The following RAD51B variants were observed in gnomAD, a reference collection of about 807,000 sequenced individuals.
RAD51B encodes DNA repair protein RAD51 homolog 2.
In RAD51B, 38 loss-of-function variants were observed where a neutral mutation model predicts 42.2. The ratio of observed to expected loss-of-function variants is 0.90; its 90% CI spans 0.70 to 1.18. The LOEUF (loss-of-function observed/expected upper bound fraction) is 1.18, where lower values mean the gene tolerates loss of function less well. RAD51B is among the 50% of genes most tolerant of loss of function. RAD51B has a pLI of 0.00. For missense variants in RAD51B, 373 were observed against 400.7 expected (o/e 0.93, Z 0.59); for synonymous variants, 154 against 145.2 (o/e 1.06, Z -0.43).
In RAD51B at chr14:68,159,056, A is replaced by G. The variant is rs140884839; in HGVS notation, c.757-132828A>G. On this transcript the variant is annotated intron_variant, in intron 7 of 10. Coordinates refer to ENST00000471583, the MANE Select transcript of RAD51B (RefSeq NM_133510.4). ...AGGTTAATATAATTGCCTTCATTGTATAAACAGGGAAACTAATGCTCCCAA... is the reference window on the plus strand; with the variant it reads ...AGGTTAATATAATTGCCTTCATTGTGTAAACAGGGAAACTAATGCTCCCAA... Among the ~76,000 whole-genome samples, 562 of 152,166 alleles carry G rather than the reference A, an allele frequency of 3.7e-3. 1 individual carries two copies. Among genetic ancestry groups the G allele is most frequent in the Middle Eastern group, 6.8e-3 (2 of 292 alleles).
chr14:68,595,593 G>A (rs1255678756), exon 11 of RAD51B: 3 of 1,066,360 alleles, frequency 2.8e-6, no homozygotes, highest in Non-Finnish European at 3.4e-6. Flanking sequence ...ACCAGAACAA[G>A]GGAGCAGCCT....
chr14:67,844,376 C>T (rs2140314663), intron 4 of RAD51B, among the ~76,000 whole-genome samples: 1 of 151,600 alleles, frequency 6.6e-6, no homozygotes, highest in South Asian at 2.1e-4. Context: ...TTCATTTGGT[C>T]AAGTGTTGAG....
intron 7 of RAD51B, among the ~76,000 whole-genome samples, chr14:68,219,187 A>G (rs2079875530): frequency 6.6e-6 from 1 of 152,162 alleles, no homozygotes; most frequent in Non-Finnish European, 1.5e-5. Flanking sequence ...GAATTTGATA[A>G]TTTTTTTCTC....
At chr14:68,298,296 G>A (rs191464631) in intron 8 of RAD51B, among the ~76,000 whole-genome samples, 8 of 152,316 alleles carry the variant, frequency 5.3e-5, no homozygotes, top group Non-Finnish European at 7.4e-5. Context: ...CAGCCTGGAG[G>A]CCAGGGGGCA....
At chr14:68,679,919 T>A (rs1366541054) in intron 11 of RAD51B, among the ~76,000 whole-genome samples, 1 of 152,204 alleles carries the variant, frequency 6.6e-6, no homozygotes, top group Non-Finnish European at 1.5e-5. Flanking sequence ...AACAGCTGGG[T>A]TTCCAATTGT....
chr14:68,353,552 A>G (rs570027334), intron 8 of RAD51B, among the ~76,000 whole-genome samples: 43 of 152,298 alleles, frequency 2.8e-4, no homozygotes, highest in African/African-American at 1.0e-3. Flanking sequence ...TCTACCTTGG[A>G]AGACTCAGAC....
intron 7 of RAD51B, among the ~76,000 whole-genome samples, chr14:68,013,008 G>A (rs1412267191): frequency 1.3e-5 from 2 of 152,198 alleles, no homozygotes; most frequent in Non-Finnish European, 2.9e-5. Context: ...AAAGCAATCA[G>A]TTATTATGCT....
At chr14:68,336,349 T>A (rs2082454839) in intron 8 of RAD51B, among the ~76,000 whole-genome samples, 1 of 152,230 alleles carries the variant, frequency 6.6e-6, no homozygotes, top group Non-Finnish European at 1.5e-5. Flanking sequence ...AAAGGTAAGA[T>A]CATTTACTTT....
In RAD51B at chr14:68,586,808, C is replaced by T. The variant is rs372566993; in HGVS notation, c.1037-7677C>T. On this transcript the variant is annotated intron_variant, in intron 10 of 10. Transcript: ENST00000487270. ...TCACCTGAGGTCAGGAGTTTGAGAC[C>T]AGCCTGGCTAACATGGTGAAACCCC... Among the ~76,000 whole-genome samples the T allele has an allele frequency of 1.7e-4, 26 of 152,164 alleles. No individual in the cohort carries two copies. The South Asian group carries it at 5.2e-3, about 30-fold the overall frequency.
intron 10 of RAD51B, among the ~76,000 whole-genome samples, chr14:68,515,144 C>T (rs1300090256): frequency 6.6e-6 from 1 of 152,138 alleles, no homozygotes; most frequent in African/African-American, 2.4e-5. Context: ...ATTTTATGTC[C>T]AGCAATCTTA....
At chr14:68,235,782 A>G (rs2080242249) in intron 7 of RAD51B, among the ~76,000 whole-genome samples, 1 of 152,074 alleles carries the variant, frequency 6.6e-6, no homozygotes, top group Admixed American at 6.5e-5. Context: ...ACTATTCACA[A>G]TAGCAAAGAT....
At chr14:68,581,051 AT>A (rs560459763) in intron 10 of RAD51B, among the ~76,000 whole-genome samples, 4 of 151,300 alleles carry the variant, frequency 2.6e-5, no homozygotes, top group Non-Finnish European at 4.4e-5. Context: ...GTAATGTAGG[AT>A]TTTTTTTTAG....
chr14:67,855,827 C>A (rs1253058450), intron 4 of RAD51B, among the ~76,000 whole-genome samples: 5 of 152,178 alleles, frequency 3.3e-5, no homozygotes, highest in Non-Finnish European at 7.3e-5. Context: ...GTAACAGCAG[C>A]AGGAAAACCA....
intron 7 of RAD51B, among the ~76,000 whole-genome samples, chr14:68,213,473 TTAATG>T (rs752060443): frequency 2.0e-5 from 3 of 152,138 alleles, no homozygotes; most frequent in Non-Finnish European, 2.9e-5. Flanking sequence ...TTTACACAGA[TTAATG>T]TAAAGTCCTA....
chr14:67,864,916 TA>T (rs1221863271), intron 4 of RAD51B, 86 bp from the exon 5 acceptor site: 2 of 1,421,036 alleles, frequency 1.4e-6, no homozygotes, highest in African/African-American at 2.9e-5. Context: ...GGCAAAGTCT[TA>T]AAAGGATTTT....
intron 10 of RAD51B, among the ~76,000 whole-genome samples, chr14:68,520,454 C>A (rs1296344263): frequency 6.6e-6 from 1 of 152,182 alleles, no homozygotes; most frequent in Non-Finnish European, 1.5e-5. Flanking sequence ...GACAGTTAAG[C>A]TTGTAGCTGT....
intron 10 of RAD51B, among the ~76,000 whole-genome samples, chr14:68,569,874 G>T (rs1889608748): frequency 6.6e-6 from 1 of 152,200 alleles, no homozygotes; most frequent in Admixed American, 6.5e-5. Flanking sequence ...CTGGAAAAGT[G>T]AGGAGAGGCA....
chr14:67,932,891 G>A (rs2044792346), intron 7 of RAD51B, among the ~76,000 whole-genome samples: 2 of 152,202 alleles, frequency 1.3e-5, no homozygotes, highest in South Asian at 2.1e-4. Context: ...CAGCTCCTCC[G>A]GCTTGTCCAC....
chr14:67,840,194 T>A lies in RAD51B; in HGVS notation c.315+4998T>A, dbSNP rs146608147. ...TTTGTTACATTGGTATATTGCGTGA[T>A]GCTGAGGTTTGGGGTACGATTTATA... On this transcript the variant is annotated intron_variant, in intron 4 of 10. Transcript: ENST00000471583. 1.5e-4 allele frequency among the ~76,000 whole-genome samples: 23 copies of A among 152,330 alleles called. No homozygotes were observed. The East Asian group carries it at 4.2e-3, about 28-fold the overall frequency.
Sources: allele counts gnomAD v4.1 joint callset (sites outside exome capture counted in the v4.1 genomes callset), GRCh38; gene constraint gnomAD v4.1.1; transcripts MANE v1.5; gene names NCBI Gene and HGNC (gene_info 2026-07-23, HGNC 2026-07-21).